GGCX: variants seen among roughly 807,000 people sequenced by gnomAD.
GGCX encodes vitamin K-dependent gamma-carboxylase.
A neutral mutation model predicts 88.5 loss-of-function variants in GGCX; 63 were observed. That is an observed-to-expected ratio of 0.71 (90% CI 0.58 to 0.88). GGCX has a LOEUF of 0.88. Among genes scored for constraint, GGCX ranks in the 40% least tolerant of loss-of-function variants. The pLI is 0.00. For missense variants in GGCX, 805 were observed against 932.9 expected, an observed-to-expected ratio of 0.86 and a Z score of 1.79; for synonymous variants, 368 against 365.8, an observed-to-expected ratio of 1.01 and a Z score of -0.07.
Position 85,551,850 on chromosome 2 carries a change from T to G in GGCX, c.1571A>C (p.Asp524Ala). Residue 524 changes from aspartate (D) to alanine (A), a missense_variant, in exon 11 of 15, where the codon GAC becomes GCC. This residue lies in a region of GGCX where 680 missense variants were observed against 763.7 expected (regional missense o/e 0.89). Transcript: ENST00000233838. ...AKLQEIKSSLDNHTEVVFIAD... is the reference protein window; with the variant it reads ...AKLQEIKSSLANHTEVVFIAD... ...AATGAAGACCACCTCAGTGTGGTTGTCTAGGCTGCTCTTGATTTCCTGTAA... is the reference window on the plus strand; with the variant it reads ...AATGAAGACCACCTCAGTGTGGTTGGCTAGGCTGCTCTTGATTTCCTGTAA... 1 of 1,614,074 alleles carries G rather than the reference T, an allele frequency of 6.2e-7. No homozygotes were observed. Among genetic ancestry groups the G allele is most frequent in the Non-Finnish European group, 8.5e-7 (1 of 1,179,906 alleles).
rs956125417 is a variant in GGCX, at chr2:85,546,732, G to C, written c.*3202C>G. 6.6e-6 allele frequency: 1 copy of C among 152,202 alleles called. No individual in the cohort carries two copies. Among genetic ancestry groups the C allele is most frequent in the Non-Finnish European group, 1.5e-5 (1 of 68,070 alleles). 9.4% of individuals were successfully genotyped at this position (152,202 alleles called of 1,614,324 possible). ...ACTTGGAAATCTGTTGGGAAGTAGG[G>C]GGAGGGCAAGGTTAAAACCTATGCA... On this transcript the variant is annotated 3_prime_UTR_variant, in exon 15 of 15. Coordinates refer to ENST00000233838, the MANE Select transcript of GGCX (RefSeq NM_000821.7).
chr2:85,556,754 CT>C (rs1232986929), intron 4 of GGCX, among the ~76,000 whole-genome samples: 1 of 152,140 alleles, frequency 6.6e-6, no homozygotes, highest in East Asian at 1.9e-4. Flanking sequence ...TGGAAGAGAA[CT>C]GATTAGACCC....
At position 85,560,950 on chromosome 2, in the gene GGCX, C is replaced by CT. The variant is rs1375079243; in HGVS notation, c.78dup (p.Gly27ArgfsTer15). 2 of 1,613,910 alleles carry CT rather than the reference C, an allele frequency of 1.2e-6. No individual in the cohort carries two copies. The highest frequency in any genetic ancestry group is 2.7e-5 in the African/African-American group (2 of 74,908). On this transcript the variant is annotated frameshift_variant, in exon 2 of 15. Transcript: ENST00000233838. LOFTEE classifies it high-confidence loss of function. Reference sequence around the variant, plus strand: ...CCTATTCGGCTGTCCTGCCTGGGCCCTGAGATCAGTTCAGCCTTGTCTTTC... The same window carrying CT: ...CCTATTCGGCTGTCCTGCCTGGGCCCTTGAGATCAGTTCAGCCTTGTCTTTC...
Position 85,551,938 on chromosome 2 carries a change from G to A in GGCX, c.1483C>T (p.Pro495Ser), listed in dbSNP as rs1163010306. 3.1e-6 allele frequency: 5 copies of A among 1,613,918 alleles called. No individual in the cohort carries two copies. Among genetic ancestry groups the A allele is most frequent in the Non-Finnish European group, 4.2e-6 (5 of 1,179,916 alleles). Residue 495 changes from proline to serine, a missense_variant, in exon 11 of 15, where the codon CCC becomes TCC. Around this residue, in one of 3 missense-constraint regions of GGCX, gnomAD observed 680 missense variants for 763.7 expected, o/e 0.89. Coordinates refer to ENST00000233838, the MANE Select transcript of GGCX (RefSeq NM_000821.7). ...RVDIVQAAWS[P>S]FQRTSWVQPL... Reference sequence around the variant, plus strand: ...TGCACCCAGGATGTGCGCTGAAAGGGTGACCAAGCGGCCTGCACGATGTCC... The same window carrying A: ...TGCACCCAGGATGTGCGCTGAAAGGATGACCAAGCGGCCTGCACGATGTCC...
chr2:85,553,455 C>A lies in GGCX; in HGVS notation c.932G>T (p.Cys311Phe), dbSNP rs369862766. 6.2e-7 allele frequency: 1 copy of A among 1,613,898 alleles called. No homozygotes were observed. Among genetic ancestry groups the A allele is most frequent in the Non-Finnish European group, 8.5e-7 (1 of 1,179,976 alleles). The change falls in exon 8 of 15, where the codon TGC becomes TTC. Residue 311 changes from cysteine (C) to phenylalanine (F), a missense_variant. Cys to Phe is a radical substitution (Grantham distance 205, BLOSUM62 -2). Coordinates refer to ENST00000233838, the MANE Select transcript of GGCX (RefSeq NM_000821.7). ...CAGCTTCCGAGGCCACTCAGGGGAGCAGAAGAGAGGGCTGCTGGCCAGCAT... is the reference window on the plus strand; with the variant it reads ...CAGCTTCCGAGGCCACTCAGGGGAGAAGAAGAGAGGGCTGCTGGCCAGCAT... The part of the protein sequence containing the change: ...YVMLASSPLF[C>F]SPEWPRKLVS...
chr2:85,560,384 T>C (rs1187513596), intron 2 of GGCX, among the ~76,000 whole-genome samples: 2 of 151,964 alleles, frequency 1.3e-5, no homozygotes, highest in African/African-American at 2.4e-5. Context: ...GTCAGGAGTT[T>C]GAGACCAGCC....
chr2:85,551,753 C>T, intron 11 of GGCX, 59 bp downstream of exon 11: 2 of 1,574,186 alleles, frequency 1.3e-6, no homozygotes, highest in Non-Finnish European at 1.7e-6. Context: ...CATGGAATGT[C>T]CCTGGCCAAG....
intron 12 of GGCX, 75 bp downstream of exon 12, chr2:85,551,405 T>C: frequency 6.8e-7 from 1 of 1,474,634 alleles, no homozygotes; most frequent in Non-Finnish European, 9.5e-7. Flanking sequence ...CACCTCAGCC[T>C]CCTAAGAAGC....
rs897821999 is a variant in GGCX, at chr2:85,545,827, A to T, written c.*4107T>A. 1 of 152,196 alleles carries T rather than the reference A, an allele frequency of 6.6e-6. No individual in the cohort carries two copies. The highest frequency in any genetic ancestry group is 1.5e-5 in the Non-Finnish European group (1 of 68,042). The allele number at this position is 152,196 out of a possible 1,614,324, so 9.4% of individuals were successfully genotyped here. A position where few individuals can be genotyped will look rare whatever the true frequency, so the allele number is the denominator to read the frequency against. On this transcript the variant is annotated 3_prime_UTR_variant, in exon 15 of 15. Coordinates refer to ENST00000233838, the MANE Select transcript of GGCX (RefSeq NM_000821.7). ...TTATGAGCTTAGTTTTAAGGGTTGTATGATGTTTTCATCTGAGAAGTTCTG... is the reference window on the plus strand; with the variant it reads ...TTATGAGCTTAGTTTTAAGGGTTGTTTGATGTTTTCATCTGAGAAGTTCTG...
intron 2 of GGCX, among the ~76,000 whole-genome samples, chr2:85,560,570 TCCAG>T (rs1692394873): frequency 1.3e-5 from 2 of 150,682 alleles, no homozygotes; most frequent in African/African-American, 2.5e-5. Flanking sequence ...GCCATTGCAC[TCCAG>T]CTTGGGCAAC....
intron 4 of GGCX, among the ~76,000 whole-genome samples, chr2:85,556,792 G>A (rs1487694087): frequency 6.6e-6 from 1 of 152,120 alleles, no homozygotes; most frequent in Non-Finnish European, 1.5e-5. Flanking sequence ...ATGTACTCTG[G>A]GGAAGCAGAA....
Position 85,547,108 on chromosome 2 carries a change from A to C in GGCX, c.*2826T>G, listed in dbSNP as rs1691707487. On this transcript the variant is annotated 3_prime_UTR_variant, in exon 15 of 15. Coordinates refer to ENST00000233838, the MANE Select transcript of GGCX (RefSeq NM_000821.7). ...TAAGGTGGTGGAGGAACATTAGGCC[A>C]CAGGGAGCAGAGGGAAAGCATAACA... is the stretch of plus-strand genomic sequence containing the variant. The C allele has an allele frequency of 6.6e-6, 1 of 152,300 alleles. No individual in the cohort carries two copies. Among genetic ancestry groups the C allele is most frequent in the African/African-American group, 2.4e-5 (1 of 41,450 alleles). 9.4% of individuals were successfully genotyped at this position (152,300 alleles called of 1,614,324 possible).
chr2:85,556,628 C>CT lies in GGCX; in HGVS notation c.540-369dup, dbSNP rs545553846. 3.6e-3 allele frequency among the ~76,000 whole-genome samples: 550 copies of CT among 151,812 alleles called. 3 individuals carry two copies. Among genetic ancestry groups the CT allele is most frequent in the African/African-American group, 0.013 (528 of 41,464 alleles). On this transcript the variant is annotated intron_variant, in intron 4 of 14. Transcript: ENST00000233838. ...TGTAAATAAATATGCGGTGTATTAT[C>CT]TTTAAAAAAAAATGAAAACCCTCAA...
chr2:85,550,242 A>C (rs1237940150), intron 14 of GGCX, 116 bp from the exon 15 acceptor site: 1 of 768,508 alleles, frequency 1.3e-6, no homozygotes, highest in Non-Finnish European at 2.3e-6. Flanking sequence ...ATATATGGGA[A>C]TCTCCCCCCA....
rs1179963858 is a variant in GGCX at position 85,545,830 on chromosome 2, ATGT to A, written c.*4101_*4103del. The A allele has an allele frequency of 6.6e-6, 1 of 152,338 alleles. No individual in the cohort carries two copies. The highest frequency in any genetic ancestry group is 1.9e-4 in the East Asian group (1 of 5,192). The allele number at this position is 152,338 out of a possible 1,614,324, so 9.4% of individuals were successfully genotyped here. The stretch of plus-strand genomic sequence containing the variant: ...TGAGCTTAGTTTTAAGGGTTGTATG[ATGT>A]TTTCATCTGAGAAGTTCTGAAACGT... On this transcript the variant is annotated 3_prime_UTR_variant, in exon 15 of 15. Coordinates refer to ENST00000233838, the MANE Select transcript of GGCX (RefSeq NM_000821.7).
rs1437425988 is a variant in GGCX at position 85,544,978 on chromosome 2, C to T, written c.*4956G>A. The T allele has an allele frequency of 6.6e-6, 1 of 151,684 alleles. No homozygotes were observed. The highest frequency in any genetic ancestry group is 1.5e-5 in the Non-Finnish European group (1 of 67,870). The allele number at this position is 151,684 out of a possible 1,614,324, so 9.4% of individuals were successfully genotyped here. A position where few individuals can be genotyped will look rare whatever the true frequency, so the allele number is the denominator to read the frequency against. On this transcript the variant is annotated 3_prime_UTR_variant, in exon 15 of 15. Transcript: ENST00000233838. ...CTCAACACCATGATTCCTTTAACAA[C>T]ATGTTTCCAGCATTCCCAGGTAGGC... is the stretch of plus-strand genomic sequence containing the variant.
In GGCX at chr2:85,553,025, T is replaced by C. The variant is rs1357151468; in HGVS notation, c.1201A>G (p.Met401Val). 1 of 1,614,108 alleles carries C rather than the reference T, an allele frequency of 6.2e-7. No individual in the cohort carries two copies. Among genetic ancestry groups the C allele is most frequent in the Non-Finnish European group, 8.5e-7 (1 of 1,179,930 alleles). ...TGGTGGGAGCGGGAGTGCACCATCA[T>C]GTCCCAGGAATAGCCATACAGCCCA... is the stretch of plus-strand genomic sequence containing the variant. ...TNGLYGYSWD[M>V]MVHSRSHQHV... Residue 401 changes from methionine (M) to valine (V), a missense_variant, in exon 9 of 15, where the codon ATG (methionine) becomes GTG (valine). By Grantham distance (21) the Met-to-Val change is conservative. This residue lies in a region of GGCX where 680 missense variants were observed against 763.7 expected (regional missense o/e 0.89). Transcript: ENST00000233838.
rs920461845 is a variant in GGCX, at chr2:85,547,173, A to G, written c.*2761T>C. 1 of 152,212 alleles carries G rather than the reference A, an allele frequency of 6.6e-6. No homozygotes were observed. The highest frequency in any genetic ancestry group is 2.4e-5 in the African/African-American group (1 of 41,442). The allele number at this position is 152,212 out of a possible 1,614,324, so 9.4% of individuals were successfully genotyped here. A position where few individuals can be genotyped will look rare whatever the true frequency, so the allele number is the denominator to read the frequency against. ...GGGTGATTATAGTTTAGAAAGCATG[A>G]AAGTATGACTTAAGGAAATGTCTTT... On this transcript the variant is annotated 3_prime_UTR_variant, in exon 15 of 15. Coordinates refer to ENST00000233838, the MANE Select transcript of GGCX (RefSeq NM_000821.7).
In GGCX at chr2:85,546,939, TGA is replaced by T. The variant is rs1463712342; in HGVS notation, c.*2993_*2994del. 6.6e-6 allele frequency: 1 copy of T among 152,176 alleles called. No homozygotes were observed. Among genetic ancestry groups the T allele is most frequent in the Non-Finnish European group, 1.5e-5 (1 of 68,034 alleles). 9.4% of individuals were successfully genotyped at this position (152,176 alleles called of 1,614,324 possible). On this transcript the variant is annotated 3_prime_UTR_variant, in exon 15 of 15. Transcript: ENST00000233838. ...GTGCCTCCAAGTTGGTAGAATAGCA[TGA>T]GAAGTTTTCAAAAGTAACCGCTTTA...
Sources: allele counts gnomAD v4.1 joint callset (sites outside exome capture counted in the v4.1 genomes callset), GRCh38; gene constraint gnomAD v4.1.1; regional missense constraint gnomAD v4.1.1; transcripts MANE v1.5; gene names NCBI Gene and HGNC (gene_info 2026-07-23, HGNC 2026-07-21).